MAP2K5: variants seen among roughly 807,000 people sequenced by gnomAD.
MAP2K5 encodes the protein mitogen-activated protein kinase kinase 5.
MAP2K5 carries 49 observed loss-of-function variants against 83.1 expected under a neutral mutation model. The observed-to-expected ratio is 0.59, with a 90% CI of 0.47 to 0.75. The LOEUF (loss-of-function observed/expected upper bound fraction) is 0.75. Ranked by LOEUF, MAP2K5 falls within the 30% of genes least tolerant of loss-of-function variation. The pLI, the probability that MAP2K5 is intolerant of heterozygous loss-of-function variation, is 0.00. For synonymous variants in MAP2K5, 202 were observed against 191.8 expected, an observed-to-expected ratio of 1.05 and a Z score of -0.44; for missense variants, 457 against 557.5, an observed-to-expected ratio of 0.82 and a Z score of 1.82.
At chr15:67,671,931 T>C (rs1413323414) in intron 13 of MAP2K5, among the ~76,000 whole-genome samples, 1 of 151,152 alleles carries the variant, frequency 6.6e-6, no homozygotes, top group Non-Finnish European at 1.5e-5. Context: ...TTTGTCCTCA[T>C]GATAGTTTAC....
chr15:67,546,948 C>G (rs1352704403), intron 1 of MAP2K5, among the ~76,000 whole-genome samples: 4 of 152,080 alleles, frequency 2.6e-5, no homozygotes, highest in Admixed American at 2.0e-4. Context: ...CACCTGTGGT[C>G]CCAGCTATTA....
intron 8 of MAP2K5, among the ~76,000 whole-genome samples, chr15:67,625,236 G>A (rs1048936745): frequency 1.2e-4 from 19 of 152,132 alleles, no homozygotes; most frequent in African/African-American, 4.3e-4. Context: ...TGGGCTCTTT[G>A]TTATTTTAAA....
chr15:67,618,458 T>C (rs1306757663), intron 8 of MAP2K5, among the ~76,000 whole-genome samples: 1 of 152,190 alleles, frequency 6.6e-6, no homozygotes, highest in African/African-American at 2.4e-5. Context: ...GCTTTACATA[T>C]CATCTGTATG....
chr15:67,696,127 CTTT>C lies in MAP2K5; in HGVS notation c.972+2575_972+2577del, dbSNP rs66634396. On this transcript the variant is annotated intron_variant, in intron 15 of 21. Coordinates refer to ENST00000178640, the MANE Select transcript of MAP2K5 (RefSeq NM_145160.3). ...AGTCTCTTGAGAGAAAAGAGCTGAGCTTTTTTTTTTTTTTTTTTAACCACAACT... is the reference window on the plus strand; with the variant it reads ...AGTCTCTTGAGAGAAAAGAGCTGAGCTTTTTTTTTTTTTTTAACCACAACT... 1.8e-3 allele frequency among the ~76,000 whole-genome samples: 236 copies of C among 129,902 alleles called. 1 individual carries two copies. The highest frequency in any genetic ancestry group is 3.1e-3 in the African/African-American group (108 of 34,356). 85.2% of individuals were successfully genotyped at this position (129,902 alleles called of 152,430 possible).
In MAP2K5 at chr15:67,774,043, A is replaced by G. The variant is rs915318559; in HGVS notation, c.1242+1291A>G. Among the ~76,000 whole-genome samples, 6 of 152,164 alleles carry G rather than the reference A, an allele frequency of 3.9e-5. No homozygotes were observed. Among genetic ancestry groups the G allele is most frequent in the African/African-American group, 1.4e-4 (6 of 41,442 alleles). The stretch of plus-strand genomic sequence containing the variant: ...TAAATAAAACATCTGCAGATCACAC[A>G]TACGCCCATAAATGTATATGGATGT... On this transcript the variant is annotated intron_variant, in intron 21 of 21. Coordinates refer to ENST00000178640, the MANE Select transcript of MAP2K5 (RefSeq NM_145160.3). The surrounding 1 kb of genome is among the most constrained non-coding windows in gnomAD (Gnocchi z 4.9).
chr15:67,804,317 A>AGGGTGATT, intron 21 of MAP2K5, among the ~76,000 whole-genome samples: 1 of 152,328 alleles, frequency 6.6e-6, no homozygotes, highest in Middle Eastern at 3.4e-3. Context: ...TCTCCCTGTC[A>AGGGTGATT]GGCAACCACC....
In MAP2K5 at chr15:67,748,029, G is replaced by T. The variant is rs2089641526; in HGVS notation, c.1075-202G>T. Among the ~76,000 whole-genome samples the T allele has an allele frequency of 6.6e-6, 1 of 152,170 alleles. No homozygotes were observed. On this transcript the variant is annotated intron_variant, in intron 17 of 21. Transcript: ENST00000178640. The surrounding 1 kb of genome is among the most constrained non-coding windows in gnomAD (Gnocchi z 4.0). ...AACCTGGAGGGTACTAAAAAGTGTT[G>T]TGTGAAATTAACATTCTGCTGACTT... is the stretch of plus-strand genomic sequence containing the variant.
At position 67,760,406 on chromosome 15, in the gene MAP2K5, A is replaced by G. The variant is rs900507822; in HGVS notation, c.1135-9196A>G. Among the ~76,000 whole-genome samples, 2 of 152,242 alleles carry G rather than the reference A, an allele frequency of 1.3e-5. No individual in the cohort carries two copies. The highest frequency in any genetic ancestry group is 4.8e-5 in the African/African-American group (2 of 41,458). On this transcript the variant is annotated intron_variant, in intron 19 of 21. Transcript: ENST00000178640. This position sits in a 1 kb window ranked among gnomAD's most constrained non-coding sequence, Gnocchi z 4.1. ...AGTAAAAAAAAGTTTTTTTAAACACACAATTATATAAAATTAGATTTTATT... is the reference window on the plus strand; with the variant it reads ...AGTAAAAAAAAGTTTTTTTAAACACGCAATTATATAAAATTAGATTTTATT...
chr15:67,762,703 A>C (rs1221314909), intron 19 of MAP2K5, among the ~76,000 whole-genome samples: 1 of 152,224 alleles, frequency 6.6e-6, no homozygotes, highest in Non-Finnish European at 1.5e-5. Context: ...ATAGGAAAAA[A>C]AATCTCTATA....
chr15:67,549,281 T>G, intron 1 of MAP2K5: 3 of 1,278,050 alleles, frequency 2.3e-6, no homozygotes, highest in Non-Finnish European at 3.3e-6. Flanking sequence ...TTTATAGATT[T>G]ATTTAAGCAT....
In MAP2K5 at chr15:67,750,978, G is replaced by T. The variant is rs1023659745; in HGVS notation, c.1134+2377G>T. On this transcript the variant is annotated intron_variant, in intron 19 of 21. Transcript: ENST00000178640. This position sits in a 1 kb window ranked among gnomAD's most constrained non-coding sequence, Gnocchi z 4.2. ...TGGCGTCACATACAAAATAGCTATCGCAAAGCCCAGTGTAACATATTTTCT... is the reference window on the plus strand; with the variant it reads ...TGGCGTCACATACAAAATAGCTATCTCAAAGCCCAGTGTAACATATTTTCT... Among the ~76,000 whole-genome samples, 4 of 152,054 alleles carry T rather than the reference G, an allele frequency of 2.6e-5. No homozygotes were observed. The highest frequency in any genetic ancestry group is 7.2e-5 in the African/African-American group (3 of 41,384).
chr15:67,680,091 C>G (rs540148504), intron 13 of MAP2K5: 1 of 152,256 alleles, frequency 6.6e-6, no homozygotes, highest in East Asian at 1.9e-4. Flanking sequence ...ATCTTTGTGC[C>G]TGACTTCTTT....
chr15:67,617,301 C>T (rs2086076820), intron 8 of MAP2K5, among the ~76,000 whole-genome samples: 2 of 152,088 alleles, frequency 1.3e-5, no homozygotes, highest in African/African-American at 4.8e-5. Flanking sequence ...ACATATGCTC[C>T]CTATTATAAA....
chr15:67,726,399 C>T (rs1170181780), intron 16 of MAP2K5, among the ~76,000 whole-genome samples: 2 of 152,128 alleles, frequency 1.3e-5, no homozygotes, highest in African/African-American at 4.8e-5. Flanking sequence ...TATCCATAGG[C>T]TATTCAAACC....
rs2088448555 is a variant in MAP2K5 at position 67,702,606 on chromosome 15, G to A, written c.973-731G>A. 6.6e-6 allele frequency among the ~76,000 whole-genome samples: 1 copy of A among 152,212 alleles called. No homozygotes were observed. The highest frequency in any genetic ancestry group is 1.5e-5 in the Non-Finnish European group (1 of 68,042). Reference sequence around the variant, plus strand: ...CCTAGAGGGATAGATAGATCAGGAAGCATCCACTCAGTATGAAATTATTCC... The same window carrying A: ...CCTAGAGGGATAGATAGATCAGGAAACATCCACTCAGTATGAAATTATTCC... On this transcript the variant is annotated intron_variant, in intron 15 of 21. Transcript: ENST00000178640. This position sits in a 1 kb window ranked among gnomAD's most constrained non-coding sequence, Gnocchi z 4.6.
intron 17 of MAP2K5, among the ~76,000 whole-genome samples, chr15:67,742,786 T>A (rs1566949376): frequency 6.6e-6 from 1 of 152,242 alleles, no homozygotes; most frequent in African/African-American, 2.4e-5. Flanking sequence ...AAATGTGCAA[T>A]TACCAACAGG....
At chr15:67,733,379 AGAT>A (rs755339685) in intron 17 of MAP2K5, among the ~76,000 whole-genome samples, 26 of 152,268 alleles carry the variant, frequency 1.7e-4, no homozygotes, top group South Asian at 6.2e-4. Flanking sequence ...GTTTCAAATA[AGAT>A]GATAAGTAGT....
chr15:67,593,986 C>T (rs965163326), intron 7 of MAP2K5, among the ~76,000 whole-genome samples: 1 of 152,202 alleles, frequency 6.6e-6, no homozygotes, highest in Non-Finnish European at 1.5e-5. Context: ...AATAGATGTG[C>T]ATGCCTTAAA....
At chr15:67,686,603 AAATAATAATAATAATAATAATAATAAT>A (rs57116318) in intron 13 of MAP2K5, among the ~76,000 whole-genome samples, 1 of 148,452 alleles carries the variant, frequency 6.7e-6, no homozygotes, top group African/African-American at 2.5e-5. Context: ...ACTGTGTCTC[AAATAATAATAATAATAATAATAATAAT>A]AATAATAATA....
Sources: gnomAD v4.1 joint callset for allele counts (sites outside exome capture counted in the v4.1 genomes callset) on GRCh38, gnomAD v4.1.1 for gene constraint, Gnocchi (gnomAD v3.1) non-coding constraint, MANE v1.5 for transcripts, NCBI Gene and HGNC (gene_info 2026-07-23, HGNC 2026-07-21) for gene names.